Variants in GRM7 observed in about 807,000 individuals in gnomAD.
GRM7 encodes the protein metabotropic glutamate receptor 7.
Under a neutral mutation model 84.5 loss-of-function variants are expected in GRM7, and 35 were observed. That is an observed-to-expected ratio of 0.41 (90% CI 0.32 to 0.55). The LOEUF (loss-of-function observed/expected upper bound fraction) is 0.55. Ranked by LOEUF, GRM7 falls within the 20% of genes least tolerant of loss-of-function variation. The probability of loss-of-function intolerance (pLI) is 0.19; values close to 1 mark genes in which losing one functional copy is unlikely to be tolerated. For synonymous variants in GRM7, 487 were observed against 455.1 expected (o/e 1.07, Z -0.89); for missense variants, 1,003 against 1,194.6 (o/e 0.84, Z 2.36).
intron 7 of GRM7, among the ~76,000 whole-genome samples, chr3:7,490,673 G>A (rs2124949743): frequency 6.6e-6 from 1 of 152,246 alleles, no homozygotes; most frequent in East Asian, 1.9e-4. Context: ...TTATACATGA[G>A]GATCTATTAG....
At position 7,528,877 on chromosome 3, in the gene GRM7, A is replaced by G. The variant is rs148109194; in HGVS notation, c.1516-49545A>G. Among the ~76,000 whole-genome samples, 886 of 152,014 alleles carry G rather than the reference A, an allele frequency of 5.8e-3. 2 individuals carry two copies. The highest frequency in any genetic ancestry group is 0.02 in the African/African-American group (835 of 41,492). On this transcript the variant is annotated intron_variant, in intron 7 of 9. Coordinates refer to ENST00000357716, the MANE Select transcript of GRM7 (RefSeq NM_000844.4). Reference sequence around the variant, plus strand: ...ATTTTTATTCCACTGTGATCTGAGAATATGCTTGGTATGATTTAGTTTTTT... The same window carrying G: ...ATTTTTATTCCACTGTGATCTGAGAGTATGCTTGGTATGATTTAGTTTTTT...
chr3:7,611,551 CA>C (rs774719494), intron 8 of GRM7, among the ~76,000 whole-genome samples: 19 of 152,272 alleles, frequency 1.2e-4, no homozygotes, highest in Admixed American at 2.0e-4. Flanking sequence ...GGACAGCTGT[CA>C]TAGACCTACT....
intron 7 of GRM7, among the ~76,000 whole-genome samples, chr3:7,465,257 G>A (rs1178328839): frequency 6.6e-6 from 1 of 152,096 alleles, no homozygotes; most frequent in Non-Finnish European, 1.5e-5. Context: ...GGTATTGCAT[G>A]GGACCTAAAA....
intron 7 of GRM7, among the ~76,000 whole-genome samples, chr3:7,512,917 T>C (rs916289137): frequency 6.6e-6 from 1 of 152,114 alleles, no homozygotes; most frequent in Non-Finnish European, 1.5e-5. Flanking sequence ...TAAAAATTCA[T>C]CAACATGGAG....
At chr3:7,005,796 C>T (rs1294827061) in intron 1 of GRM7, among the ~76,000 whole-genome samples, 2 of 152,140 alleles carry the variant, frequency 1.3e-5, no homozygotes, top group African/African-American at 2.4e-5. Flanking sequence ...ATTTCTGCTG[C>T]CTCTTTTTAT....
intron 7 of GRM7, among the ~76,000 whole-genome samples, chr3:7,490,264 T>A (rs1397794966): frequency 6.6e-6 from 1 of 152,170 alleles, no homozygotes; most frequent in East Asian, 1.9e-4. Flanking sequence ...ATCTGGCACT[T>A]AAACGTCACT....
chr3:6,978,809 C>A (rs1011091931), intron 1 of GRM7, among the ~76,000 whole-genome samples: 2 of 152,148 alleles, frequency 1.3e-5, no homozygotes, highest in African/African-American at 4.8e-5. Flanking sequence ...AACCCAGGGA[C>A]ATGTGTCTGC....
In GRM7 at chr3:7,039,507, G is replaced by A. The variant is rs149000432; in HGVS notation, c.520-106945G>A. 3.7e-3 allele frequency among the ~76,000 whole-genome samples: 566 copies of A among 152,276 alleles called. 7 individuals are homozygous for A. Among genetic ancestry groups the A allele is most frequent in the African/African-American group, 0.013 (524 of 41,548 alleles). Reference sequence around the variant, plus strand: ...TTCCCTTTCAAGGGATTAGAGCAATGCATATGCTAATAAGCCTGTAGTGGC... The same window carrying A: ...TTCCCTTTCAAGGGATTAGAGCAATACATATGCTAATAAGCCTGTAGTGGC... On this transcript the variant is annotated intron_variant, in intron 1 of 9. Coordinates refer to ENST00000357716, the MANE Select transcript of GRM7 (RefSeq NM_000844.4).
chr3:7,554,256 C>A (rs762396121), intron 7 of GRM7, among the ~76,000 whole-genome samples: 1 of 152,118 alleles, frequency 6.6e-6, no homozygotes, highest in Non-Finnish European at 1.5e-5. Flanking sequence ...GAACCTAAAC[C>A]CTGTTTAAAG....
intron 1 of GRM7, among the ~76,000 whole-genome samples, chr3:7,099,938 A>G (rs1034316066): frequency 6.8e-6 from 1 of 146,482 alleles, no homozygotes; most frequent in Non-Finnish European, 1.5e-5. Flanking sequence ...ATATATTATG[A>G]TATACATTAT....
chr3:7,693,909 G>T (rs975347736), intron 9 of GRM7, among the ~76,000 whole-genome samples: 21 of 152,104 alleles, frequency 1.4e-4, no homozygotes, highest in Admixed American at 2.0e-4. Flanking sequence ...TATTGTCTAG[G>T]AGCTTTATGT....
Position 6,934,110 on chromosome 3 carries a change from A to G in GRM7, c.519+72203A>G, listed in dbSNP as rs1257319893. ...GCCAGTATACACCATGGTCCATTCA[A>G]TAAAACCAGGGTAGAATTGACCACT... On this transcript the variant is annotated intron_variant, in intron 1 of 9. Transcript: ENST00000357716. 5.9e-5 allele frequency among the ~76,000 whole-genome samples: 9 copies of G among 152,266 alleles called. No individual in the cohort carries two copies. The East Asian group carries it at 1.7e-3, about 29-fold the overall frequency.
intron 1 of GRM7, among the ~76,000 whole-genome samples, chr3:7,042,513 TC>T (rs137968853): frequency 0.12 from 18,157 of 152,154 alleles, 1,374 homozygotes; most frequent in South Asian, 0.18. Flanking sequence ...TTGCTTGTTT[TC>T]CCCCCATTCT....
intron 2 of GRM7, among the ~76,000 whole-genome samples, chr3:7,233,180 C>T (rs1387231748): frequency 6.6e-6 from 1 of 152,096 alleles, no homozygotes; most frequent in Non-Finnish European, 1.5e-5. Context: ...GTTTAGAATT[C>T]TGGGCAACTT....
intron 1 of GRM7, among the ~76,000 whole-genome samples, chr3:7,101,146 C>T (rs1317573836): frequency 2.0e-5 from 3 of 151,660 alleles, no homozygotes; most frequent in East Asian, 3.9e-4. Context: ...CATAGGGTAG[C>T]TTTTATGTTT....
At chr3:7,332,528 A>T (rs1239216352) in intron 4 of GRM7, among the ~76,000 whole-genome samples, 4 of 152,320 alleles carry the variant, frequency 2.6e-5, no homozygotes, top group African/African-American at 9.6e-5. Flanking sequence ...TATATGAATG[A>T]ATATCAGAAT....
At chr3:7,616,217 C>T (rs1331417739) in intron 8 of GRM7, among the ~76,000 whole-genome samples, 1 of 152,138 alleles carries the variant, frequency 6.6e-6, no homozygotes, top group African/African-American at 2.4e-5. Flanking sequence ...GGCATCATTT[C>T]GCACATATTT....
At chr3:6,892,805 T>C (rs1008557392) in intron 1 of GRM7, 2 of 152,190 alleles carry the variant, frequency 1.3e-5, no homozygotes, top group African/African-American at 4.8e-5. Flanking sequence ...TCCCTCAATG[T>C]CTTTGTTACT....
intron 1 of GRM7, among the ~76,000 whole-genome samples, chr3:6,940,672 CAA>C (rs1559340951): frequency 7.9e-6 from 1 of 126,100 alleles, no homozygotes; most frequent in Non-Finnish European, 1.9e-5. Context: ...AAATTCAATC[CAA>C]GTTTGTTTTT....
Sources: allele counts gnomAD v4.1 joint callset (sites outside exome capture counted in the v4.1 genomes callset), GRCh38; gene constraint gnomAD v4.1.1; transcripts MANE v1.5; gene names NCBI Gene and HGNC (gene_info 2026-07-23, HGNC 2026-07-21).